NEDD4L: variants seen among roughly 807,000 people sequenced by gnomAD.
NEDD4L encodes the protein NEDD4 like E3 ubiquitin protein ligase, also known as E3 ubiquitin-protein ligase NEDD4-like.
In NEDD4L, 54 loss-of-function variants were observed where a neutral mutation model predicts 148.9. That is an observed-to-expected ratio of 0.36 (90% CI 0.29 to 0.45). NEDD4L has a LOEUF of 0.45. Ranked by LOEUF, NEDD4L falls within the 20% of genes least tolerant of loss-of-function variation. NEDD4L has a pLI of 1.00. For missense variants in NEDD4L, 856 were observed against 1,233.8 expected (o/e 0.69, Z 4.59); for synonymous variants, 433 against 440.7 (o/e 0.98, Z 0.22).
intron 1 of NEDD4L, among the ~76,000 whole-genome samples, chr18:58,136,049 T>G (rs143845969): frequency 1.3e-5 from 2 of 152,338 alleles, no homozygotes; most frequent in South Asian, 2.1e-4. Flanking sequence ...TTAAGAAGAT[T>G]ATAAATGTAA....
At chr18:58,302,641 A>G (rs1242295423) in intron 5 of NEDD4L, among the ~76,000 whole-genome samples, 1 of 152,246 alleles carries the variant, frequency 6.6e-6, no homozygotes, top group Non-Finnish European at 1.5e-5. Flanking sequence ...AATAACATTC[A>G]ATAGTAACTT....
chr18:58,324,455 T>TTC (rs896188875), intron 8 of NEDD4L, among the ~76,000 whole-genome samples: 5 of 152,176 alleles, frequency 3.3e-5, no homozygotes, highest in Non-Finnish European at 7.3e-5. Context: ...AAGAGGAGGC[T>TTC]TCTCTCTCAA....
chr18:58,187,749 G>A (rs2039632920), intron 2 of NEDD4L, among the ~76,000 whole-genome samples: 2 of 152,268 alleles, frequency 1.3e-5, no homozygotes, highest in Non-Finnish European at 2.9e-5. Flanking sequence ...AAAAGAAGCA[G>A]ACGGAACTTG....
At chr18:58,167,361 T>C (rs1424349280) in intron 2 of NEDD4L, among the ~76,000 whole-genome samples, 1 of 152,212 alleles carries the variant, frequency 6.6e-6, no homozygotes. Context: ...AGCAACACTT[T>C]CAGCCATTTC....
chr18:58,323,957 T>C lies in NEDD4L; in HGVS notation c.513+623T>C, dbSNP rs185308664. 6.5e-4 allele frequency among the ~76,000 whole-genome samples: 99 copies of C among 152,318 alleles called. 4 individuals are homozygous for C. In the East Asian group the frequency reaches 0.018, roughly 28 times the overall value. On this transcript the variant is annotated intron_variant, in intron 8 of 30. Transcript: ENST00000400345. ...AATTCTCATATTCTCAAAGTGTCCA[T>C]TAAACGAGACCTCTCTAGGGCTTAT...
At chr18:58,384,781 G>A (rs1489141007) in intron 25 of NEDD4L, among the ~76,000 whole-genome samples, 1 of 152,198 alleles carries the variant, frequency 6.6e-6, no homozygotes, top group Non-Finnish European at 1.5e-5. Context: ...GCTGCAGGCT[G>A]GTCCTCAGGG....
At chr18:58,128,575 G>T (rs2031544048) in intron 1 of NEDD4L, among the ~76,000 whole-genome samples, 1 of 152,150 alleles carries the variant, frequency 6.6e-6, no homozygotes, top group Admixed American at 6.5e-5. Flanking sequence ...CTCTTCCATT[G>T]GATACCCTTG....
intron 4 of NEDD4L, among the ~76,000 whole-genome samples, chr18:58,249,251 A>G (rs2047622862): frequency 6.6e-6 from 1 of 152,236 alleles, no homozygotes; most frequent in African/African-American, 2.4e-5. Context: ...GTTTAATTCT[A>G]TGAGACGGGT....
chr18:58,081,561 C>G (rs372002550), intron 1 of NEDD4L, among the ~76,000 whole-genome samples: 2 of 152,156 alleles, frequency 1.3e-5, no homozygotes, highest in East Asian at 3.9e-4. Flanking sequence ...GTTATTTGCA[C>G]AAAAGGACGT....
At chr18:58,276,080 C>T (rs892941417) in intron 5 of NEDD4L, among the ~76,000 whole-genome samples, 2 of 151,366 alleles carry the variant, frequency 1.3e-5, no homozygotes, top group Non-Finnish European at 2.9e-5. Context: ...AAGTTAATAG[C>T]AAAAAAATAT....
At chr18:58,301,047 C>T (rs1335997617) in intron 5 of NEDD4L, among the ~76,000 whole-genome samples, 2 of 152,140 alleles carry the variant, frequency 1.3e-5, no homozygotes, top group Admixed American at 6.5e-5. Flanking sequence ...CACAGAAATA[C>T]AGCACAGAAA....
At chr18:58,138,067 G>A (rs376178588) in intron 1 of NEDD4L, among the ~76,000 whole-genome samples, 29 of 152,236 alleles carry the variant, frequency 1.9e-4, no homozygotes, top group African/African-American at 6.3e-4. Flanking sequence ...CTCTCCTGCC[G>A]CCCCACTGAA....
At chr18:58,330,643 T>C in intron 10 of NEDD4L, 95 bp from the exon 11 acceptor site, 1 of 922,062 alleles carries the variant, frequency 1.1e-6, no homozygotes, top group East Asian at 2.8e-5. Flanking sequence ...ATTATAGTTA[T>C]CACCGGGGCT....
rs556819729 is a variant in NEDD4L, at chr18:58,187,734, A to T, written c.122+21873A>T. 9.8e-5 allele frequency among the ~76,000 whole-genome samples: 15 copies of T among 152,330 alleles called. No homozygotes were observed. The East Asian group carries it at 2.5e-3, about 25-fold the overall frequency. ...ATTAAATGCACGATTTCCTTTTCTC[A>T]TAAAAAAAGAAGCAGACGGAACTTG... On this transcript the variant is annotated intron_variant, in intron 2 of 30. Transcript: ENST00000400345.
chr18:58,369,175 G>C (rs2046498408), intron 22 of NEDD4L, among the ~76,000 whole-genome samples: 1 of 152,194 alleles, frequency 6.6e-6, no homozygotes, highest in African/African-American at 2.4e-5. Flanking sequence ...TCTTTCCCAG[G>C]ATGAGCTGCA....
At chr18:58,287,632 C>G (rs7242929) in intron 5 of NEDD4L, among the ~76,000 whole-genome samples, 30,254 of 152,100 alleles carry the variant, frequency 0.2, 3,121 homozygotes, top group East Asian at 0.29. Flanking sequence ...TGTAAATATT[C>G]CTGCAATATG....
rs185594744 is a variant in NEDD4L at position 58,259,535 on chromosome 18, A to G, written c.297+7481A>G. 8.9e-4 allele frequency among the ~76,000 whole-genome samples: 135 copies of G among 152,236 alleles called. 3 individuals are homozygous for G. The East Asian group carries it at 0.019, about 22-fold the overall frequency. Reference sequence around the variant, plus strand: ...AGCATTTGTGCCCCCTTTGTATGCCATTTTGTGCATAATAACTGTGAAACT... The same window carrying G: ...AGCATTTGTGCCCCCTTTGTATGCCGTTTTGTGCATAATAACTGTGAAACT... On this transcript the variant is annotated intron_variant, in intron 5 of 30. Coordinates refer to ENST00000400345, the MANE Select transcript of NEDD4L (RefSeq NM_001144967.3).
intron 2 of NEDD4L, chr18:58,221,680 A>G: frequency 1.0e-6 from 1 of 985,524 alleles, no homozygotes; most frequent in Non-Finnish European, 1.2e-6. Context: ...GAGGGTCACC[A>G]AGGTAGATTT....
intron 6 of NEDD4L, among the ~76,000 whole-genome samples, chr18:58,316,384 T>A (rs865981398): frequency 1.3e-5 from 2 of 152,240 alleles, no homozygotes; most frequent in African/African-American, 4.8e-5. Context: ...TGCTTCCTAA[T>A]GCATCCTCCG....
Sources: gnomAD v4.1 joint callset for allele counts (sites outside exome capture counted in the v4.1 genomes callset) on GRCh38, gnomAD v4.1.1 for gene constraint, MANE v1.5 for transcripts, NCBI Gene and HGNC (gene_info 2026-07-23, HGNC 2026-07-21) for gene names.